The following FMN1 variants were observed in gnomAD, a reference collection of about 807,000 sequenced individuals.
FMN1 encodes the protein formin 1.
A neutral mutation model predicts 132.4 loss-of-function variants in FMN1; 110 were observed. That is an observed-to-expected ratio of 0.83 (90% CI 0.71 to 0.97). The LOEUF (loss-of-function observed/expected upper bound fraction) is 0.97. Among genes scored for constraint, FMN1 ranks in the 50% least tolerant of loss-of-function variants. FMN1 has a pLI of 0.00. For missense variants in FMN1, 1,792 were observed against 1,705.3 expected (o/e 1.05, Z -0.90); for synonymous variants, 722 against 651.7 (o/e 1.11, Z -1.64).
In FMN1 at chr15:32,768,109, C is replaced by G. The variant is rs1346305468; in HGVS notation, c.*6201G>C. 6.6e-6 allele frequency: 1 copy of G among 152,176 alleles called. No homozygotes were observed. Among genetic ancestry groups the G allele is most frequent in the Non-Finnish European group, 1.5e-5 (1 of 68,028 alleles). The allele number at this position is 152,176 out of a possible 1,614,324, so 9.4% of individuals were successfully genotyped here. On this transcript the variant is annotated 3_prime_UTR_variant, in exon 21 of 21. Transcript: ENST00000616417. ...TATAATTTTTGTATGCTATAAACTCCTTTTTATACATCTCCTATAAAGAAA... is the reference window on the plus strand; with the variant it reads ...TATAATTTTTGTATGCTATAAACTCGTTTTTATACATCTCCTATAAAGAAA...
At chr15:33,112,069 T>C (rs917882490) in intron 4 of FMN1, among the ~76,000 whole-genome samples, 23 of 152,190 alleles carry the variant, frequency 1.5e-4, no homozygotes, top group African/African-American at 5.1e-4. Flanking sequence ...TGTATCTTTT[T>C]ACAATTTCAT....
chr15:33,155,403 T>G (rs1429114241), intron 3 of FMN1, among the ~76,000 whole-genome samples: 1 of 152,202 alleles, frequency 6.6e-6, no homozygotes, highest in Non-Finnish European at 1.5e-5. Flanking sequence ...GAAGTCCTTA[T>G]CTAGGGGGCT....
chr15:33,177,292 T>A (rs1041264022), intron 3 of FMN1, among the ~76,000 whole-genome samples: 2 of 152,162 alleles, frequency 1.3e-5, no homozygotes, highest in Admixed American at 6.5e-5. Context: ...ATTTACTAAT[T>A]CCTCTTCTTT....
intron 9 of FMN1, among the ~76,000 whole-genome samples, chr15:32,955,561 A>G (rs1484694255): frequency 1.3e-5 from 2 of 152,224 alleles, no homozygotes; most frequent in Non-Finnish European, 2.9e-5. Context: ...CCCGTAACAG[A>G]ATCTCAGAAA....
chr15:32,943,605 G>T (rs2061443390), intron 9 of FMN1, among the ~76,000 whole-genome samples: 1 of 152,160 alleles, frequency 6.6e-6, no homozygotes, highest in Admixed American at 6.5e-5. Context: ...AAGACACGTA[G>T]AATCCTATGT....
intron 6 of FMN1, among the ~76,000 whole-genome samples, chr15:33,043,482 T>C (rs1298883031): frequency 1.3e-5 from 2 of 152,224 alleles, no homozygotes; most frequent in Admixed American, 6.5e-5. Flanking sequence ...TGTTCCACCA[T>C]GTGGCTGCGC....
At chr15:32,865,921 A>C (rs2141344190) in intron 16 of FMN1, among the ~76,000 whole-genome samples, 1 of 152,234 alleles carries the variant, frequency 6.6e-6, no homozygotes, top group Admixed American at 6.5e-5. Context: ...AAAGCATTTA[A>C]ATTAAAAGTG....
chr15:33,052,224 T>A (rs2037008103), intron 6 of FMN1, among the ~76,000 whole-genome samples: 1 of 152,230 alleles, frequency 6.6e-6, no homozygotes, highest in South Asian at 2.1e-4. Flanking sequence ...AGCCTTGAGA[T>A]TCTAGTTTCC....
intron 6 of FMN1, among the ~76,000 whole-genome samples, chr15:33,055,599 A>C (rs2037179633): frequency 7.4e-6 from 1 of 135,954 alleles, no homozygotes; most frequent in African/African-American, 2.8e-5. Context: ...ACTGTACTTC[A>C]ACTCATAGAC....
chr15:32,872,047 T>C (rs1440400643), intron 16 of FMN1, among the ~76,000 whole-genome samples: 1 of 152,162 alleles, frequency 6.6e-6, no homozygotes, highest in African/African-American at 2.4e-5. Context: ...GCTCTTTTTT[T>C]TTTTTTTGAA....
rs538048190 is a variant in FMN1 at position 32,826,983 on chromosome 15, G to T, written c.3929-22651C>A. Among the ~76,000 whole-genome samples, 30 of 152,336 alleles carry T rather than the reference G, an allele frequency of 2.0e-4. 1 individual carries two copies. The South Asian group carries it at 6.0e-3, about 31-fold the overall frequency. On this transcript the variant is annotated intron_variant, in intron 17 of 20. Transcript: ENST00000616417. ...TCTGAAACTAAGTAGAACTACAGGA[G>T]AATCAGAGGAGGGGATTCAGGGATG...
chr15:33,029,794 G>A (rs2035849623), intron 6 of FMN1, among the ~76,000 whole-genome samples: 1 of 152,160 alleles, frequency 6.6e-6, no homozygotes, highest in South Asian at 2.1e-4. Flanking sequence ...AGGGATCTGT[G>A]GTTTGGGAGA....
chr15:32,864,772 T>C (rs1206726202), intron 16 of FMN1, among the ~76,000 whole-genome samples: 1 of 152,224 alleles, frequency 6.6e-6, no homozygotes, highest in Non-Finnish European at 1.5e-5. Context: ...ACATACATAG[T>C]GTCTATGCCT....
intron 3 of FMN1, among the ~76,000 whole-genome samples, chr15:33,157,926 G>C (rs946479379): frequency 6.6e-6 from 1 of 151,380 alleles, no homozygotes; most frequent in Non-Finnish European, 1.5e-5. Flanking sequence ...TGAAGCTGCA[G>C]TGGACTGAGA....
chr15:32,848,999 T>TTC (rs1304625395), intron 17 of FMN1, among the ~76,000 whole-genome samples: 114 of 145,072 alleles, frequency 7.9e-4, no homozygotes, highest in African/African-American at 3.0e-3. Flanking sequence ...TTTTTTTTTT[T>TTC]CAGAGACAGA....
intron 19 of FMN1, among the ~76,000 whole-genome samples, chr15:32,792,275 CAAA>C (rs11461605): frequency 3.6e-5 from 4 of 111,714 alleles, no homozygotes; most frequent in Non-Finnish European, 1.8e-5. Context: ...CAGTCTCTAC[CAAA>C]AAAAAAAAAA....
intron 6 of FMN1, among the ~76,000 whole-genome samples, chr15:33,011,464 A>G (rs555740964): frequency 3.7e-4 from 56 of 152,192 alleles, no homozygotes; most frequent in African/African-American, 1.3e-3. Context: ...ATATTTTATA[A>G]TAATTATCTT....
intron 5 of FMN1, among the ~76,000 whole-genome samples, chr15:33,086,358 A>C (rs1050260308): frequency 7.4e-6 from 1 of 135,224 alleles, no homozygotes; most frequent in Non-Finnish European, 1.6e-5. Context: ...TACTTAGTGA[A>C]AAAATACAAA....
chr15:33,127,780 A>T (rs979142609), intron 4 of FMN1, among the ~76,000 whole-genome samples: 1 of 152,234 alleles, frequency 6.6e-6, no homozygotes, highest in Non-Finnish European at 1.5e-5. Context: ...CAGTGTCTGT[A>T]GAGAACTACA....
Sources: gnomAD v4.1 joint callset for allele counts (sites outside exome capture counted in the v4.1 genomes callset) on GRCh38, gnomAD v4.1.1 for gene constraint, MANE v1.5 for transcripts, NCBI Gene and HGNC (gene_info 2026-07-23, HGNC 2026-07-21) for gene names.